AMZ1: variants seen among roughly 807,000 people sequenced by gnomAD.
The protein encoded by AMZ1 is archaelysin family metallopeptidase 1, also known as archaemetzincin-1.
AMZ1 carries 39 observed loss-of-function variants against 29.9 expected under a neutral mutation model. The observed-to-expected ratio is 1.30, with a 90% CI of 1.01 to 1.70. The LOEUF (loss-of-function observed/expected upper bound fraction) is 1.70. Ranked by LOEUF, AMZ1 falls within the 40% of genes most tolerant of loss-of-function variation. The pLI, the probability that AMZ1 is intolerant of heterozygous loss-of-function variation, is 0.00. For missense variants in AMZ1, 1,041 were observed against 680.6 expected (o/e 1.53, Z -5.89); for synonymous variants, 458 against 304.0 (o/e 1.51, Z -5.27).
chr7:2,734,310 T>C (rs1340217491), intron 4 of AMZ1, among the ~76,000 whole-genome samples: 1 of 152,162 alleles, frequency 6.6e-6, no homozygotes, highest in Non-Finnish European at 1.5e-5. Context: ...AAAGGTAGCG[T>C]ATTAAAAACC....
intron 1 of AMZ1, among the ~76,000 whole-genome samples, chr7:2,689,244 C>T (rs1292805489): frequency 6.6e-6 from 1 of 152,218 alleles, no homozygotes; most frequent in East Asian, 1.9e-4. Flanking sequence ...AAAGGCCAGG[C>T]ATCTGCGTGG....
upstream of AMZ1, among the ~76,000 whole-genome samples, chr7:2,764,079 T>C (rs1322050958): frequency 6.6e-6 from 1 of 152,050 alleles, no homozygotes; most frequent in Non-Finnish European, 1.5e-5. Context: ...TTTTTTATCA[T>C]TTTGGTTTTG....
At chr7:2,762,878 C>A (rs774121048), upstream of AMZ1, 2 of 1,439,742 alleles carry the variant, frequency 1.4e-6, no homozygotes, top group African/African-American at 2.9e-5. Flanking sequence ...GAGCCCTGCT[C>A]GTGGAGCCAT....
intron 4 of AMZ1, among the ~76,000 whole-genome samples, chr7:2,727,111 C>A (rs1299479732): frequency 1.3e-5 from 2 of 152,160 alleles, no homozygotes; most frequent in East Asian, 3.8e-4. Context: ...GAGACAGAGT[C>A]CCACTCTGTC....
chr7:2,694,444 C>T (rs914007860), intron 1 of AMZ1, among the ~76,000 whole-genome samples: 3 of 152,206 alleles, frequency 2.0e-5, no homozygotes, highest in Non-Finnish European at 2.9e-5. Flanking sequence ...GCCTGTGAGC[C>T]AATTCTCATA....
rs569195105 is a variant in AMZ1 at position 2,758,248 on chromosome 7, G to A, written n.551-6464G>A. 4.6e-5 allele frequency among the ~76,000 whole-genome samples: 7 copies of A among 152,314 alleles called. No homozygotes were observed. The East Asian group carries it at 7.7e-4, about 17-fold the overall frequency. On this transcript the variant is annotated intron_variant and non_coding_transcript_variant, in intron 4 of 4. Transcript: ENST00000489665. ...TTTAAGAAAACAAGGCTTTAGGGCC[G>A]GGTGCAGTGGCTCACACTGTAATCC... is the stretch of plus-strand genomic sequence containing the variant.
At chr7:2,729,121 G>A (rs748353742) in intron 4 of AMZ1, 3 of 152,422 alleles carry the variant, frequency 2.0e-5, no homozygotes, top group African/African-American at 7.2e-5. Context: ...GAATCACAGC[G>A]CTGCTGTCGC....
chr7:2,746,347 C>T (rs1049030893), intron 4 of AMZ1, among the ~76,000 whole-genome samples: 9 of 152,196 alleles, frequency 5.9e-5, no homozygotes, highest in Admixed American at 2.0e-4. Flanking sequence ...TGCAATCAAA[C>T]TAGAACTCAG....
chr7:2,684,922 T>G (rs558745893), upstream of AMZ1, among the ~76,000 whole-genome samples: 63 of 146,452 alleles, frequency 4.3e-4, no homozygotes, highest in Admixed American at 6.4e-4. Context: ...CAGGCTGGAG[T>G]GCAGTGGCGC....
upstream of AMZ1, among the ~76,000 whole-genome samples, chr7:2,686,719 TCTC>T (rs908164915): frequency 6.6e-6 from 1 of 151,556 alleles, no homozygotes; most frequent in African/African-American, 2.4e-5. Context: ...TTTCTCTCTC[TCTC>T]TTTTTTTTTT....
At chr7:2,738,901 C>T (rs1392954715) in intron 4 of AMZ1, among the ~76,000 whole-genome samples, 1 of 152,194 alleles carries the variant, frequency 6.6e-6, no homozygotes, top group Non-Finnish European at 1.5e-5. Flanking sequence ...TCTGGCCACG[C>T]TTTGGCCCCC....
chr7:2,709,859 T>G (rs1554250256), intron 6 of AMZ1, 43 bp downstream of exon 6: 27 of 1,599,938 alleles, frequency 1.7e-5, no homozygotes, highest in Non-Finnish European at 2.2e-5. Context: ...GGACCTGCGC[T>G]CCGGAGGCCC....
chr7:2,690,498 C>G (rs1489378319), intron 1 of AMZ1, among the ~76,000 whole-genome samples: 1 of 152,234 alleles, frequency 6.6e-6, no homozygotes, highest in African/African-American at 2.4e-5. Flanking sequence ...GCTTGCCTCT[C>G]ACATCCTGTT....
chr7:2,733,129 A>T (rs533856749), intron 4 of AMZ1, among the ~76,000 whole-genome samples: 1 of 152,306 alleles, frequency 6.6e-6, no homozygotes, highest in East Asian at 1.9e-4. Flanking sequence ...GATAACTGCC[A>T]TGCCTGGGGT....
chr7:2,754,454 G>C (rs1431515368), intron 4 of AMZ1, among the ~76,000 whole-genome samples: 1 of 152,036 alleles, frequency 6.6e-6, no homozygotes. Flanking sequence ...CTTACTAAGA[G>C]GATCTGGGCA....
chr7:2,750,758 C>T (rs798501), intron 4 of AMZ1, among the ~76,000 whole-genome samples: 83,689 of 152,008 alleles, frequency 0.55, 23,629 homozygotes, highest in Non-Finnish European at 0.62. Flanking sequence ...GGGGGACTAT[C>T]GGACAGGCAT....
At position 2,700,325 on chromosome 7, in the gene AMZ1, A is replaced by G. The variant is rs1470571790; in HGVS notation, c.-127A>G. On this transcript the variant is annotated 5_prime_UTR_variant, in exon 2 of 7. Coordinates refer to ENST00000683327, the MANE Select transcript of AMZ1 (RefSeq NM_001384743.1). ...GGCCCTTGGACCAGTGTCTGTCTGC[A>G]GGGAGCCCCCGGTAGCCACTCGGAT... 33 of 1,105,994 alleles carry G rather than the reference A, an allele frequency of 3.0e-5. No individual in the cohort carries two copies. The highest frequency in any genetic ancestry group is 4.2e-5 in the Non-Finnish European group (33 of 791,480). The allele number at this position is 1,105,994 out of a possible 1,614,324, so 68.5% of individuals were successfully genotyped here.
chr7:2,696,691 A>G (rs1217736832), intron 1 of AMZ1, among the ~76,000 whole-genome samples: 3 of 151,224 alleles, frequency 2.0e-5, no homozygotes, highest in Non-Finnish European at 3.0e-5. Flanking sequence ...TTCAAGACCA[A>G]CCTGGCCAAC....
chr7:2,745,426 A>C (rs867458800), intron 4 of AMZ1, among the ~76,000 whole-genome samples: 3 of 152,238 alleles, frequency 2.0e-5, no homozygotes, highest in Non-Finnish European at 4.4e-5. Context: ...ACTAAGCTTC[A>C]TAAGTGAAGG....
Sources: allele counts gnomAD v4.1 joint callset (sites outside exome capture counted in the v4.1 genomes callset), GRCh38; gene constraint gnomAD v4.1.1; transcripts MANE v1.5; gene names NCBI Gene and HGNC (gene_info 2026-07-23, HGNC 2026-07-21).